The following SH3KBP1 variants were observed in gnomAD, a reference collection of about 807,000 sequenced individuals.
SH3KBP1 encodes SH3 domain containing kinase binding protein 1.
SH3KBP1 carries 8 observed loss-of-function variants against 50.1 expected under a neutral mutation model. The ratio of observed to expected loss-of-function variants is 0.16; its 90% confidence interval spans 0.09 to 0.29. The LOEUF (loss-of-function observed/expected upper bound fraction) is 0.29. SH3KBP1 is among the 10% of genes least tolerant of loss of function. The pLI is 1.00. For missense variants in SH3KBP1, 377 were observed against 535.2 expected (o/e 0.70, Z 2.92); for synonymous variants, 227 against 218.6 (o/e 1.04, Z -0.34).
intron 3 of SH3KBP1, among the ~76,000 whole-genome samples, chrX:19,742,903 A>G (rs1315336781): frequency 8.9e-6 from 1 of 112,079 alleles, no homozygotes; most frequent in Non-Finnish European, 1.9e-5. Context: ...GCAAGTTTAA[A>G]TGAAAAACGA....
In SH3KBP1 at chrX:19,874,068, A is replaced by AAAAATATAT. The variant is rs1491537486; in HGVS notation, c.4+13238_4+13239insATATATTTT. ...CATCTCAAAAAAAAAAAAAAAAAAA[A>AAAAATATAT]ATATATATATATATATATAAAACTC... On this transcript the variant is annotated intron_variant, in intron 1 of 17. Transcript: ENST00000397821. 3.6e-3 allele frequency among the ~76,000 whole-genome samples: 204 copies of AAAAATATAT among 56,995 alleles called. 8 individuals are homozygous for AAAAATATAT. Among genetic ancestry groups the AAAAATATAT allele is most frequent in the African/African-American group, 0.029 (184 of 6,278 alleles). 49.5% of individuals were successfully genotyped at this position (56,995 alleles called of 115,157 possible). A position where few individuals can be genotyped will look rare whatever the true frequency, so the allele number is the denominator to read the frequency against.
intron 1 of SH3KBP1, among the ~76,000 whole-genome samples, chrX:19,841,920 G>C (rs1186262521): frequency 1.4e-5 from 1 of 69,857 alleles, no homozygotes; most frequent in Non-Finnish European, 2.6e-5. Context: ...GCGGGGGGGT[G>C]GGGGGGGGCT....
chrX:19,610,537 A>G (rs1046228236), intron 8 of SH3KBP1, among the ~76,000 whole-genome samples: 2 of 112,192 alleles, frequency 1.8e-5, no homozygotes, highest in African/African-American at 6.5e-5. Context: ...TTAATTTGCA[A>G]TTAATGATAT....
chrX:19,725,575 G>A (rs1249114334), intron 3 of SH3KBP1, among the ~76,000 whole-genome samples: 1 of 112,105 alleles, frequency 8.9e-6, no homozygotes, highest in Non-Finnish European at 1.9e-5. Flanking sequence ...TGGGGACACA[G>A]TGACTGTCTC....
chrX:19,638,114 CAAAA>C (rs373623210), intron 7 of SH3KBP1, among the ~76,000 whole-genome samples: 1 of 99,536 alleles, frequency 1.0e-5, no homozygotes, highest in Admixed American at 1.1e-4. Context: ...AACAAACAAA[CAAAA>C]AAAAACAAAA....
Position 19,867,090 on chromosome X carries a change from G to A in SH3KBP1, c.4+20217C>T, listed in dbSNP as rs367696179. On this transcript the variant is annotated intron_variant, in intron 1 of 17. Transcript: ENST00000397821. ...ACTCTTTCAACAAAATTTTTCTTTC[G>A]CTGCCTGTTGGTGAGACACTGTGCC... 9.8e-5 allele frequency among the ~76,000 whole-genome samples: 11 copies of A among 111,788 alleles called. No individual in the cohort carries two copies. The East Asian group carries it at 1.1e-3, about 11-fold the overall frequency.
intron 1 of SH3KBP1, among the ~76,000 whole-genome samples, chrX:19,838,491 A>T (rs185907465): frequency 8.9e-6 from 1 of 112,206 alleles, no homozygotes; most frequent in African/African-American, 3.2e-5. Context: ...TATGGCTATG[A>T]CCCCTTCTTG....
intron 1 of SH3KBP1, among the ~76,000 whole-genome samples, chrX:19,844,923 C>A (rs1209191418): frequency 9.1e-6 from 1 of 110,305 alleles, no homozygotes; most frequent in Non-Finnish European, 1.9e-5. Context: ...ACTAAAAATA[C>A]AAAAAAATTA....
chrX:19,573,416 A>AC (rs939025325), intron 12 of SH3KBP1, among the ~76,000 whole-genome samples: 4 of 111,239 alleles, frequency 3.6e-5, no homozygotes, highest in Admixed American at 9.6e-5. Flanking sequence ...CCTCCTGAGT[A>AC]AGTGGGATTA....
rs764650280 is a variant in SH3KBP1, at chrX:19,607,933, C to T, written c.1005+5G>A. 1 of 1,194,823 alleles carries T rather than the reference C, an allele frequency of 8.4e-7. No individual in the cohort carries two copies. Among genetic ancestry groups the T allele is most frequent in the Non-Finnish European group, 1.1e-6 (1 of 880,311 alleles). On this transcript the variant is annotated splice_donor_5th_base_variant and intron_variant, in intron 9 of 17. Transcript: ENST00000397821. ...TCCGCTGAAATCAAAGTGAAGGAGA[C>T]TTACATTCCCTTCCTTTTCAAAGTC...
At chrX:19,548,605 G>A (rs751251873) in intron 14 of SH3KBP1, among the ~76,000 whole-genome samples, 1 of 111,577 alleles carries the variant, frequency 9.0e-6, no homozygotes, top group Admixed American at 9.5e-5. Context: ...AAAATAGGAT[G>A]ACTCAAACCA....
At chrX:19,539,686 G>A (rs1302151013) in intron 16 of SH3KBP1, among the ~76,000 whole-genome samples, 1 of 112,029 alleles carries the variant, frequency 8.9e-6, no homozygotes, top group Non-Finnish European at 1.9e-5. Flanking sequence ...GCAGGGAGGT[G>A]AGAACCAGCT....
At chrX:19,642,800 A>T (rs57875180) in intron 7 of SH3KBP1, among the ~76,000 whole-genome samples, 2,420 of 111,181 alleles carry the variant, frequency 0.022, 56 homozygotes, top group African/African-American at 0.075. Flanking sequence ...AATATCATAA[A>T]AGCTTTTTTT....
intron 9 of SH3KBP1, among the ~76,000 whole-genome samples, chrX:19,598,771 T>C (rs2066988514): frequency 9.0e-6 from 1 of 111,564 alleles, no homozygotes; most frequent in Admixed American, 9.6e-5. Flanking sequence ...TGCCATCTTA[T>C]ATGGGCACAG....
At chrX:19,655,655 G>A (rs1465339243) in intron 6 of SH3KBP1, among the ~76,000 whole-genome samples, 2 of 110,704 alleles carry the variant, frequency 1.8e-5, no homozygotes, top group East Asian at 5.7e-4. Flanking sequence ...ATAGACACTT[G>A]GGACTCCAAA....
At chrX:19,859,936 C>G (rs7062003) in intron 1 of SH3KBP1, among the ~76,000 whole-genome samples, 3,140 of 111,402 alleles carry the variant, frequency 0.028, 102 homozygotes, top group African/African-American at 0.089. Flanking sequence ...TCCAAACTGT[C>G]TCTTCTCCAG....
chrX:19,674,830 G>T (rs1036462414), intron 6 of SH3KBP1, among the ~76,000 whole-genome samples: 1 of 111,655 alleles, frequency 9.0e-6, no homozygotes, highest in Admixed American at 9.5e-5. Context: ...TGTAATCCCA[G>T]CACTTTGGAA....
intron 13 of SH3KBP1, among the ~76,000 whole-genome samples, chrX:19,566,778 G>A (rs1313977320): frequency 8.9e-6 from 1 of 112,084 alleles, no homozygotes; most frequent in African/African-American, 3.2e-5. Context: ...GGCTGAGGAT[G>A]TAAACGAGCT....
chrX:19,542,713 G>C (rs1168473235), intron 15 of SH3KBP1, among the ~76,000 whole-genome samples: 1 of 111,941 alleles, frequency 8.9e-6, no homozygotes, highest in Non-Finnish European at 1.9e-5. Flanking sequence ...GGAGGACCAA[G>C]AAGTAGCCAG....
Sources: gnomAD v4.1 joint callset for allele counts (sites outside exome capture counted in the v4.1 genomes callset) on GRCh38, gnomAD v4.1.1 for gene constraint, MANE v1.5 for transcripts, NCBI Gene and HGNC (gene_info 2026-07-23, HGNC 2026-07-21) for gene names.